The following EXD2 variants were observed in gnomAD, a reference collection of about 807,000 sequenced individuals.
EXD2 encodes the protein exonuclease 3'-5' domain-containing protein 2.
A neutral mutation model predicts 62.5 loss-of-function variants in EXD2; 40 were observed. The observed-to-expected ratio is 0.64, with a 90% CI of 0.50 to 0.83. EXD2 has a LOEUF of 0.83. Ranked by LOEUF, EXD2 falls within the 40% of genes least tolerant of loss-of-function variation. The pLI is 0.00. For synonymous variants in EXD2, 239 were observed against 291.9 expected, an observed-to-expected ratio of 0.82 and a Z score of 1.85; for missense variants, 671 against 761.8, an observed-to-expected ratio of 0.88 and a Z score of 1.40.
rs766038338 is a variant in EXD2 at position 69,234,990 on chromosome 14, A to T, written c.1008A>T (p.Arg336Ser). The change falls in exon 6 of 10, where the codon AGA (arginine) becomes AGT (serine). Residue 336 changes from arginine (R) to serine (S), a missense_variant. Transcript: ENST00000685843. ...VPGNHQGRDP[R>S]KHKRKPLGVG... ...GCAACCACCAAGGGAGAGACCCCAG[A>T]AAACATAAAAGAAAGCCTCTGGGGG... The T allele has an allele frequency of 6.2e-7, 1 of 1,608,500 alleles. No homozygotes were observed.
intron 1 of EXD2, among the ~76,000 whole-genome samples, chr14:69,193,807 G>T (rs2042111156): frequency 6.6e-6 from 1 of 152,002 alleles, no homozygotes; most frequent in African/African-American, 2.4e-5. Flanking sequence ...TGCTCTCGGG[G>T]TTATTTGGCA....
rs1292895369 is a variant in EXD2 at position 69,242,784 on chromosome 14, G to C, written c.*1684G>C. On this transcript the variant is annotated 3_prime_UTR_variant, in exon 10 of 10. Coordinates refer to ENST00000685843, the MANE Select transcript of EXD2 (RefSeq NM_001193360.2). ...GTGGTAATAGTCAGGCTTGCCACAA[G>C]AGGGCACTCATAGATTTGTTTTTAT... 6.6e-6 allele frequency: 1 copy of C among 152,234 alleles called. No individual in the cohort carries two copies. The highest frequency in any genetic ancestry group is 1.5e-5 in the Non-Finnish European group (1 of 68,040). The allele number at this position is 152,234 out of a possible 1,614,324, so 9.4% of individuals were successfully genotyped here. A position where few individuals can be genotyped will look rare whatever the true frequency, so the allele number is the denominator to read the frequency against.
chr14:69,205,942 A>G (rs2042577465), intron 2 of EXD2, among the ~76,000 whole-genome samples: 5 of 152,024 alleles, frequency 3.3e-5, no homozygotes. Flanking sequence ...TATTTGAGAC[A>G]TAGTCTCACT....
chr14:69,228,233 T>A (rs1566834967), intron 3 of EXD2, among the ~76,000 whole-genome samples: 2 of 141,228 alleles, frequency 1.4e-5, no homozygotes, highest in Non-Finnish European at 3.0e-5. Flanking sequence ...CTCTTGTCGT[T>A]CAGGCTGGAG....
intron 3 of EXD2, among the ~76,000 whole-genome samples, chr14:69,228,547 G>A (rs993046077): frequency 2.0e-5 from 3 of 152,042 alleles, no homozygotes; most frequent in African/African-American, 7.2e-5. Flanking sequence ...ATGTCCCAGA[G>A]CTCCCCTGTG....
At chr14:69,192,582 C>G (rs1431126777) in intron 1 of EXD2, among the ~76,000 whole-genome samples, 1 of 151,582 alleles carries the variant, frequency 6.6e-6, no homozygotes, top group Non-Finnish European at 1.5e-5. Context: ...TTGTTTTTTT[C>G]CATCTCCACC....
intron 2 of EXD2, among the ~76,000 whole-genome samples, chr14:69,208,446 G>A (rs1299864739): frequency 1.3e-5 from 2 of 150,614 alleles, no homozygotes; most frequent in African/African-American, 2.4e-5. Context: ...TCCTGACCTC[G>A]TGATCCACCT....
intron 3 of EXD2, among the ~76,000 whole-genome samples, chr14:69,222,344 C>T (rs1422846972): frequency 6.6e-6 from 1 of 151,890 alleles, no homozygotes; most frequent in Non-Finnish European, 1.5e-5. Flanking sequence ...TTCTTTCCTT[C>T]TGTTCTCTTG....
At chr14:69,228,538 T>C (rs1402653153) in intron 3 of EXD2, among the ~76,000 whole-genome samples, 1 of 152,138 alleles carries the variant, frequency 6.6e-6, no homozygotes, top group Non-Finnish European at 1.5e-5. Context: ...TGCCAGTGTA[T>C]GTCCCAGAGC....
chr14:69,226,705 A>T (rs969080497), intron 3 of EXD2, among the ~76,000 whole-genome samples: 3 of 151,714 alleles, frequency 2.0e-5, no homozygotes, highest in Non-Finnish European at 4.4e-5. Context: ...CTGAGATTGC[A>T]CTACTGTACT....
Position 69,229,079 on chromosome 14 carries a change from T to A in EXD2, c.590+7T>A. On this transcript the variant is annotated splice_region_variant and intron_variant, in intron 4 of 9. Transcript: ENST00000685843. The stretch of plus-strand genomic sequence containing the variant: ...ACCTAGCCATGCGGCAGAGGTGTGG[T>A]TTGTATGAATGCTGGGATTCCTATA... 5.6e-6 allele frequency: 9 copies of A among 1,612,952 alleles called. No individual in the cohort carries two copies. The highest frequency in any genetic ancestry group is 7.6e-6 in the Non-Finnish European group (9 of 1,179,058).
At chr14:69,227,629 C>G (rs2043406458) in intron 3 of EXD2, among the ~76,000 whole-genome samples, 1 of 152,130 alleles carries the variant, frequency 6.6e-6, no homozygotes, top group South Asian at 2.1e-4. Context: ...AGAAGGATCA[C>G]TTGAGGTCAG....
chr14:69,215,266 G>A (rs1429114261), intron 3 of EXD2, among the ~76,000 whole-genome samples: 1 of 151,422 alleles, frequency 6.6e-6, no homozygotes, highest in Non-Finnish European at 1.5e-5. Flanking sequence ...CTCCAGCCTG[G>A]GTGACACAGC....
At position 69,224,591 on chromosome 14, in the gene EXD2, G is replaced by T. The variant is rs181260037; in HGVS notation, c.334-4225G>T. ...CCTCCCTGCTTTGACTCTTGTGCAT[G>T]TACAATCCTTTCTCCATGCAGTCAC... On this transcript the variant is annotated intron_variant, in intron 3 of 9. Transcript: ENST00000685843. 6.2e-4 allele frequency among the ~76,000 whole-genome samples: 94 copies of T among 152,236 alleles called. 1 individual carries two copies. Among genetic ancestry groups the T allele is most frequent in the Non-Finnish European group, 9.4e-4 (64 of 68,024 alleles).
intron 2 of EXD2, among the ~76,000 whole-genome samples, chr14:69,206,690 C>T (rs551260419): frequency 6.6e-6 from 1 of 150,938 alleles, no homozygotes; most frequent in South Asian, 2.1e-4. Context: ...CCATGTTGCC[C>T]AGGCTGATCT....
At chr14:69,233,281 A>G (rs1474733441) in intron 5 of EXD2, among the ~76,000 whole-genome samples, 2 of 152,202 alleles carry the variant, frequency 1.3e-5, no homozygotes, top group African/African-American at 2.4e-5. Context: ...AAAAGTATAA[A>G]TGATCCTTAC....
intron 3 of EXD2, among the ~76,000 whole-genome samples, chr14:69,220,209 C>G (rs1372958042): frequency 1.4e-5 from 2 of 143,826 alleles, no homozygotes; most frequent in Non-Finnish European, 3.0e-5. Context: ...TGTTTGAATG[C>G]CAGTCTCAGA....
At position 69,228,938 on chromosome 14, in the gene EXD2, A is replaced by G. The variant is rs2043468023; in HGVS notation, c.456A>G (p.Leu152=). 6.2e-7 allele frequency: 1 copy of G among 1,613,986 alleles called. No homozygotes were observed. The highest frequency in any genetic ancestry group is 1.3e-5 in the African/African-American group (1 of 74,882). Residue 152 remains leucine (L), a synonymous_variant, in exon 4 of 10, where the codon TTA becomes TTG. Coordinates refer to ENST00000685843, the MANE Select transcript of EXD2 (RefSeq NM_001193360.2). The stretch of plus-strand genomic sequence containing the variant: ...GAGGAAAAACACTACCAAGAACGTT[A>G]TTGGATATTTTGGCAGATGGCACCA... ...ICGGKTLPRT[L]LDILADGTIL...
intron 3 of EXD2, among the ~76,000 whole-genome samples, chr14:69,228,583 A>C (rs2043452472): frequency 6.6e-6 from 1 of 151,828 alleles, no homozygotes; most frequent in South Asian, 2.1e-4. Flanking sequence ...TTATGGACTT[A>C]TATTTCAGAC....
Sources: gnomAD v4.1 joint callset for allele counts (sites outside exome capture counted in the v4.1 genomes callset) on GRCh38, gnomAD v4.1.1 for gene constraint, MANE v1.5 for transcripts, NCBI Gene and HGNC (gene_info 2026-07-23, HGNC 2026-07-21) for gene names.